The following ZNF362 variants were observed in gnomAD, a reference collection of about 807,000 sequenced individuals.
ZNF362 encodes the protein zinc finger protein 362, also known as rotund homolog.
A neutral mutation model predicts 42.9 loss-of-function variants in ZNF362; 11 were observed. The ratio of observed to expected loss-of-function variants is 0.26; its 90% CI spans 0.16 to 0.42. The LOEUF (loss-of-function observed/expected upper bound fraction) is 0.42, where lower values mean the gene tolerates loss of function less well. ZNF362 is among the 20% of genes least tolerant of loss of function. ZNF362 has a pLI of 1.00. For synonymous variants in ZNF362, 255 were observed against 257.3 expected, an observed-to-expected ratio of 0.99 and a Z score of 0.09; for missense variants, 362 against 576.2, an observed-to-expected ratio of 0.63 and a Z score of 3.81.
the ZNF362 span, among the ~76,000 whole-genome samples, chr1:33,232,322 T>C: frequency 1.3e-5 from 2 of 152,270 alleles, no homozygotes; most frequent in Admixed American, 1.3e-4. Context: ...TGGAGTGCAG[T>C]GGTGTGATCT....
Position 33,281,836 on chromosome 1 carries a change from C to T in ZNF362, c.908+25C>T. On this transcript the variant is annotated intron_variant, in intron 6 of 8. Transcript: ENST00000539719. The surrounding 1 kb of genome is among the most constrained non-coding windows in gnomAD (Gnocchi z 4.8). ...GGTGAGTGGCCTGCCTGCTGCCCTG[C>T]TGCAGCCCGACTCAGCTCAGCACCC... 1 of 1,610,012 alleles carries T rather than the reference C, an allele frequency of 6.2e-7. No homozygotes were observed. Among genetic ancestry groups the T allele is most frequent in the Non-Finnish European group, 8.5e-7 (1 of 1,176,798 alleles).
At chr1:33,157,765 C>A in the ZNF362 span, among the ~76,000 whole-genome samples, 1 of 150,794 alleles carries the variant, frequency 6.6e-6, no homozygotes, top group Non-Finnish European at 1.5e-5. Flanking sequence ...TTTTTTCTTC[C>A]TTTTTTTCCG....
intron 1 of ZNF362, among the ~76,000 whole-genome samples, chr1:33,262,724 A>G (rs765936819): frequency 5.3e-5 from 8 of 152,214 alleles, no homozygotes; most frequent in Non-Finnish European, 1.2e-4. Context: ...ACATTCATAC[A>G]TATTCACACT....
chr1:33,214,091 T>A, the ZNF362 span, among the ~76,000 whole-genome samples: 6 of 151,608 alleles, frequency 4.0e-5, no homozygotes, highest in Admixed American at 2.0e-4. Flanking sequence ...AAGAAGCAAA[T>A]AAAAAGCATG....
the ZNF362 span, among the ~76,000 whole-genome samples, chr1:33,182,404 C>T: frequency 1.3e-5 from 2 of 152,246 alleles, no homozygotes; most frequent in African/African-American, 4.8e-5. Flanking sequence ...ACAACTTCTG[C>T]ATAAAATATA....
the ZNF362 span, among the ~76,000 whole-genome samples, chr1:33,177,079 ATG>A: frequency 2.5e-4 from 37 of 145,510 alleles, no homozygotes; most frequent in East Asian, 1.4e-3. The surrounding 1 kb of genome is among the most constrained non-coding windows in gnomAD (Gnocchi z 4.1). Flanking sequence ...ACACACACAC[ATG>A]CATGCACAAA....
chr1:33,159,822 G>A, the ZNF362 span: 375 of 1,613,822 alleles, frequency 2.3e-4, 1 homozygote, highest in African/African-American at 2.9e-3. The surrounding 1 kb of genome is among the most constrained non-coding windows in gnomAD (Gnocchi z 4.2). Context: ...GCTCGATGTC[G>A]GTCAGCGTGC....
chr1:33,158,145 C>A, the ZNF362 span: 4 of 957,622 alleles, frequency 4.2e-6, no homozygotes, highest in Non-Finnish European at 6.6e-6. Flanking sequence ...CTCAGCAAGG[C>A]ACTCTGCTCA....
At chr1:33,193,460 T>TA in the ZNF362 span, among the ~76,000 whole-genome samples, 1 of 152,150 alleles carries the variant, frequency 6.6e-6, no homozygotes, top group Non-Finnish European at 1.5e-5. Context: ...AATCTCATGG[T>TA]AAAAAACATT....
chr1:33,297,957 T>A (rs1367946592), intron 8 of ZNF362, among the ~76,000 whole-genome samples: 3 of 152,230 alleles, frequency 2.0e-5, no homozygotes, highest in Non-Finnish European at 4.4e-5. Context: ...GCTAGGAATT[T>A]GCAGGTTGCT....
rs1181737094 is a variant in ZNF362 at position 33,262,782 on chromosome 1, TG to T, written c.-89+6129del. ...CTGACCCTCCCTCCTGCACCATCCT[TG>T]CCAATGTGGAGCACTCCTCTGCTAT... On this transcript the variant is annotated intron_variant, in intron 1 of 8. Transcript: ENST00000539719. Among the ~76,000 whole-genome samples, 5 of 152,198 alleles carry T rather than the reference TG, an allele frequency of 3.3e-5. 1 individual carries two copies. The highest frequency in any genetic ancestry group is 1.2e-4 in the African/African-American group (5 of 41,436).
chr1:33,243,639 C>T, the ZNF362 span, among the ~76,000 whole-genome samples: 1 of 151,654 alleles, frequency 6.6e-6, no homozygotes, highest in Non-Finnish European at 1.5e-5. Context: ...CTCTGTCGCC[C>T]AGGCTGGCGT....
At chr1:33,181,468 CA>C in the ZNF362 span, 3 of 1,547,748 alleles carry the variant, frequency 1.9e-6, no homozygotes, top group Admixed American at 6.0e-5. This position sits in a 1 kb window ranked among gnomAD's most constrained non-coding sequence, Gnocchi z 6.5. Context: ...GCCCGAGGGG[CA>C]GGGGGGCGGC....
chr1:33,248,538 A>G, the ZNF362 span, among the ~76,000 whole-genome samples: 2 of 152,254 alleles, frequency 1.3e-5, no homozygotes, highest in African/African-American at 4.8e-5. Flanking sequence ...GATTTAGATA[A>G]AAATGGACTG....
At chr1:33,161,747 C>T in the ZNF362 span, among the ~76,000 whole-genome samples, 11 of 152,306 alleles carry the variant, frequency 7.2e-5, no homozygotes, top group East Asian at 3.9e-4. The surrounding 1 kb of genome is among the most constrained non-coding windows in gnomAD (Gnocchi z 4.3). Flanking sequence ...CCTCCACAGG[C>T]GCCCAGACTC....
the ZNF362 span, among the ~76,000 whole-genome samples, chr1:33,174,049 C>T: frequency 6.6e-6 from 1 of 152,036 alleles, no homozygotes; most frequent in Non-Finnish European, 1.5e-5. Flanking sequence ...ACATATATAC[C>T]TTATCATCTT....
the ZNF362 span, among the ~76,000 whole-genome samples, chr1:33,151,916 C>G: frequency 6.6e-6 from 1 of 152,346 alleles, no homozygotes; most frequent in African/African-American, 2.4e-5. Context: ...TCTTTGTTCT[C>G]AAGAACAGAG....
At chr1:33,191,256 A>G in the ZNF362 span, among the ~76,000 whole-genome samples, 3 of 152,200 alleles carry the variant, frequency 2.0e-5, no homozygotes, top group African/African-American at 7.2e-5. Context: ...CTACCTCCTG[A>G]TTGGACACTG....
the ZNF362 span, among the ~76,000 whole-genome samples, chr1:33,225,748 C>T: frequency 0.012 from 1,774 of 152,288 alleles, 38 homozygotes; most frequent in African/African-American, 0.038. Context: ...AGAGGCAAGA[C>T]TTCTCCAGGG....
Sources: allele counts gnomAD v4.1 joint callset (sites outside exome capture counted in the v4.1 genomes callset), GRCh38; gene constraint gnomAD v4.1.1; non-coding constraint Gnocchi (gnomAD v3.1); transcripts MANE v1.5; gene names NCBI Gene and HGNC (gene_info 2026-07-23, HGNC 2026-07-21).